The following ADCK1 variants were observed in gnomAD, a reference collection of about 807,000 sequenced individuals.
ADCK1 encodes aarF domain containing kinase 1, also known as aarF domain-containing protein kinase 1.
ADCK1 carries 41 observed loss-of-function variants against 52.3 expected under a neutral mutation model. That is an observed-to-expected ratio of 0.78 (90% CI 0.61 to 1.02). The LOEUF (loss-of-function observed/expected upper bound fraction) is 1.02. Among genes scored for constraint, ADCK1 ranks in the 50% least tolerant of loss-of-function variants. The pLI, the probability that ADCK1 is intolerant of heterozygous loss-of-function variation, is 0.00. For missense variants in ADCK1, 658 were observed against 679.5 expected (o/e 0.97, Z 0.35); for synonymous variants, 250 against 274.6 (o/e 0.91, Z 0.89).
At chr14:77,916,432 A>AT (rs1472720321) in intron 7 of ADCK1, among the ~76,000 whole-genome samples, 2 of 151,918 alleles carry the variant, frequency 1.3e-5, no homozygotes, top group Admixed American at 6.5e-5. Context: ...GTTTCCTGTG[A>AT]TTTTACTCAG....
intron 3 of ADCK1, among the ~76,000 whole-genome samples, chr14:77,842,487 C>A (rs1378446744): frequency 6.9e-6 from 1 of 144,138 alleles, no homozygotes; most frequent in Non-Finnish European, 1.5e-5. Flanking sequence ...TTCCTTCCTT[C>A]CTTCCTTCCT....
At chr14:77,889,281 A>G (rs1024226480) in intron 5 of ADCK1, among the ~76,000 whole-genome samples, 8 of 152,186 alleles carry the variant, frequency 5.3e-5, no homozygotes, top group African/African-American at 1.9e-4. Context: ...TTTATAAATT[A>G]TGCATAGTAA....
In ADCK1 at chr14:77,907,889, C is replaced by T. The variant is rs1211510304; in HGVS notation, c.828C>T (p.Tyr276=). 1 of 1,613,956 alleles carries T rather than the reference C, an allele frequency of 6.2e-7. No individual in the cohort carries two copies. Among genetic ancestry groups the T allele is most frequent in the African/African-American group, 1.3e-5 (1 of 75,022 alleles). Residue 276 remains tyrosine (Y), a synonymous_variant, in exon 7 of 11, where the codon TAC becomes TAT. Transcript: ENST00000238561. ...VDGGQVNDRD[Y]MERNKIDVNE... Reference sequence around the variant, plus strand: ...GCGGGCAGGTCAATGACAGAGACTACATGGAGAGGAACAAGATCGACGTCA... The same window carrying T: ...GCGGGCAGGTCAATGACAGAGACTATATGGAGAGGAACAAGATCGACGTCA...
At chr14:77,861,294 C>T (rs2082540828) in intron 4 of ADCK1, among the ~76,000 whole-genome samples, 2 of 152,172 alleles carry the variant, frequency 1.3e-5, no homozygotes, top group South Asian at 4.1e-4. Flanking sequence ...TCTTCCCTGC[C>T]CTCTTCCTCC....
intron 4 of ADCK1, among the ~76,000 whole-genome samples, 162 bp from the exon 5 acceptor site, chr14:77,886,929 C>G (rs141131103): frequency 1.8e-5 from 1 of 55,896 alleles, no homozygotes; most frequent in Non-Finnish European, 4.6e-5. Context: ...CACACACACA[C>G]ACACACACAC....
chr14:77,918,026 C>T (rs368643652), intron 7 of ADCK1, among the ~76,000 whole-genome samples: 1 of 152,186 alleles, frequency 6.6e-6, no homozygotes, highest in East Asian at 1.9e-4. Context: ...CTGATTCCTT[C>T]ACCTGTTTAA....
At chr14:77,851,531 T>C (rs370937820) in intron 3 of ADCK1, among the ~76,000 whole-genome samples, 3 of 152,332 alleles carry the variant, frequency 2.0e-5, no homozygotes, top group African/African-American at 7.2e-5. Context: ...TTTCTGTTTG[T>C]CCTATTTGTT....
At chr14:77,823,477 C>A (rs945064855) in intron 3 of ADCK1, among the ~76,000 whole-genome samples, 1 of 152,178 alleles carries the variant, frequency 6.6e-6, no homozygotes. Context: ...GTAGAGAGAA[C>A]AGTAGAATGA....
At chr14:77,852,671 A>G (rs2082316039) in intron 3 of ADCK1, among the ~76,000 whole-genome samples, 1 of 10,804 alleles carries the variant, frequency 9.3e-5, no homozygotes. Context: ...ATATATATAT[A>G]TATATATATA....
chr14:77,858,113 G>C (rs567355591), intron 3 of ADCK1, among the ~76,000 whole-genome samples: 54 of 152,290 alleles, frequency 3.5e-4, no homozygotes, highest in African/African-American at 1.3e-3. Context: ...CCTTCTCCAT[G>C]TGCCTCATAC....
chr14:77,837,377 A>T (rs773081145), intron 3 of ADCK1, among the ~76,000 whole-genome samples: 3 of 152,132 alleles, frequency 2.0e-5, no homozygotes, highest in Non-Finnish European at 2.9e-5. Context: ...GGCTCAAGTG[A>T]TCTGCCTGCC....
chr14:77,912,773 T>C (rs1034875081), intron 7 of ADCK1, among the ~76,000 whole-genome samples: 2 of 152,084 alleles, frequency 1.3e-5, no homozygotes, highest in African/African-American at 2.4e-5. Flanking sequence ...TGGGGATGGC[T>C]CCAGAGCCCC....
intron 3 of ADCK1, among the ~76,000 whole-genome samples, chr14:77,847,525 C>T (rs2082196078): frequency 1.3e-5 from 2 of 152,282 alleles, no homozygotes; most frequent in South Asian, 4.1e-4. Context: ...AGCTGAGATC[C>T]TGCTACTGCC....
At chr14:77,850,363 CTATT>C (rs751022721) in intron 3 of ADCK1, among the ~76,000 whole-genome samples, 46 of 152,250 alleles carry the variant, frequency 3.0e-4, no homozygotes, top group Non-Finnish European at 5.7e-4. Flanking sequence ...CATTTTCTAT[CTATT>C]TGTTATATCA....
chr14:77,830,519 C>T (rs1256620402), intron 3 of ADCK1, among the ~76,000 whole-genome samples: 1 of 151,022 alleles, frequency 6.6e-6, no homozygotes, highest in Non-Finnish European at 1.5e-5. Context: ...TCTCAAACTC[C>T]TGGGTACAAG....
rs558405670 is a variant in ADCK1, at chr14:77,816,277, T to G, written c.-11-2691T>G. On this transcript the variant is annotated intron_variant, in intron 1 of 10. Coordinates refer to ENST00000238561, the MANE Select transcript of ADCK1 (RefSeq NM_020421.4). ...TATATATATTGGTTTTTGTCTGCTG[T>G]TCTTGGTTCATAACTCCCACAGCCC... is the stretch of plus-strand genomic sequence containing the variant. Among the ~76,000 whole-genome samples the G allele has an allele frequency of 2.3e-3, 352 of 152,332 alleles. 4 individuals carry two copies. The highest frequency in any genetic ancestry group is 8.2e-3 in the African/African-American group (339 of 41,572).
intron 5 of ADCK1, among the ~76,000 whole-genome samples, chr14:77,893,400 A>T (rs1201736760): frequency 6.6e-6 from 1 of 152,036 alleles, no homozygotes; most frequent in Non-Finnish European, 1.5e-5. Context: ...CTGGGGGACT[A>T]CCATAATCTC....
intron 4 of ADCK1, among the ~76,000 whole-genome samples, chr14:77,873,634 A>G (rs776169899): frequency 2.0e-5 from 3 of 152,104 alleles, no homozygotes; most frequent in African/African-American, 4.8e-5. Context: ...TCTCATCTTG[A>G]ATTGTAGCTC....
chr14:77,896,436 C>G (rs1269758713), intron 5 of ADCK1, among the ~76,000 whole-genome samples: 1 of 152,226 alleles, frequency 6.6e-6, no homozygotes, highest in African/African-American at 2.4e-5. Context: ...CCTTTCCTTG[C>G]CCCTCTCGGG....
Sources: gnomAD v4.1 joint callset for allele counts (sites outside exome capture counted in the v4.1 genomes callset) on GRCh38, gnomAD v4.1.1 for gene constraint, MANE v1.5 for transcripts, NCBI Gene and HGNC (gene_info 2026-07-23, HGNC 2026-07-21) for gene names.